The following SERF2 variants were observed in gnomAD, a reference collection of about 807,000 sequenced individuals.
The protein encoded by SERF2 is gastric cancer-related protein VRG107.
In SERF2, 4 loss-of-function variants were observed where a neutral mutation model predicts 10.7. The observed-to-expected ratio is 0.37, with a 90% CI of 0.18 to 0.86. The LOEUF is 0.86. SERF2 is among the 40% of genes least tolerant of loss of function. SERF2 has a pLI of 0.43. For synonymous variants in SERF2, 26 were observed against 26.0 expected (o/e 1.00, Z 0.01); for missense variants, 47 against 79.1 (o/e 0.59, Z 1.54).
Position 43,794,097 on chromosome 15 carries a change from G to C in SERF2, c.*324G>C. On this transcript the variant is annotated 3_prime_UTR_variant, in exon 3 of 3. Coordinates refer to ENST00000249786, the MANE Select transcript of SERF2 (RefSeq NM_001018108.4). ...CTTGGGGGGATGGGGTTGGAAGAAT[G>C]ACTGCCCTTTCCCACCAAAAAAGGG... 1 of 921,934 alleles carries C rather than the reference G, an allele frequency of 1.1e-6. No homozygotes were observed. The highest frequency in any genetic ancestry group is 1.6e-6 in the Non-Finnish European group (1 of 635,688). 57.1% of individuals were successfully genotyped at this position (921,934 alleles called of 1,614,324 possible). A position where few individuals can be genotyped will look rare whatever the true frequency, so the allele number is the denominator to read the frequency against.
upstream of SERF2, among the ~76,000 whole-genome samples, chr15:43,790,660 T>C (rs376936378): frequency 2.2e-4 from 34 of 151,976 alleles, no homozygotes; most frequent in East Asian, 1.8e-3. Flanking sequence ...TCGCAGCTAC[T>C]TGGGAGGCTG....
chr15:43,778,578 T>C (rs1248867591), intron 1 of SERF2, among the ~76,000 whole-genome samples: 4 of 30,930 alleles, frequency 1.3e-4, no homozygotes, highest in African/African-American at 2.9e-4. Flanking sequence ...GCAGATTCCA[T>C]CTCAAAAAAA....
intron 1 of SERF2, among the ~76,000 whole-genome samples, chr15:43,781,331 G>A (rs1311010619): frequency 6.6e-6 from 1 of 152,116 alleles, no homozygotes; most frequent in African/African-American, 2.4e-5. Flanking sequence ...GAGGCAGGTG[G>A]ACCATTTGAG....
Position 43,795,040 on chromosome 15 carries a change from TGGCGGC to T in SERF2, c.*1272_*1277del, listed in dbSNP as rs369518718. ...TTTGTTATCTGGGGATATGATGCGGTGGCGGCGGCGCCTCAAGATAAGGGGCTGGGG... is the reference window on the plus strand; with the variant it reads ...TTTGTTATCTGGGGATATGATGCGGTGGCGCCTCAAGATAAGGGGCTGGGG... On this transcript the variant is annotated 3_prime_UTR_variant, in exon 3 of 3. Coordinates refer to ENST00000249786, the MANE Select transcript of SERF2 (RefSeq NM_001018108.4). The T allele has an allele frequency of 2.2e-5, 36 of 1,601,156 alleles. No individual in the cohort carries two copies. The African/African-American group carries it at 3.2e-4, about 14-fold the overall frequency.
At chr15:43,789,665 T>A (rs1017849321), upstream of SERF2, among the ~76,000 whole-genome samples, 3 of 152,216 alleles carry the variant, frequency 2.0e-5, no homozygotes, top group Non-Finnish European at 2.9e-5. Flanking sequence ...TTGAATATCA[T>A]CCTTGCGTGG....
In SERF2 at chr15:43,795,173, T is replaced by C. The variant is rs759313204; in HGVS notation, c.*1400T>C. 2 of 1,614,162 alleles carry C rather than the reference T, an allele frequency of 1.2e-6. No homozygotes were observed. Among genetic ancestry groups the C allele is most frequent in the Non-Finnish European group, 1.7e-6 (2 of 1,180,030 alleles). The stretch of plus-strand genomic sequence containing the variant: ...ACCTTGACCCAGAAGGTGGCCCAGC[T>C]ACCCTTGATGAAGGTCTTTTCCAGT... On this transcript the variant is annotated 3_prime_UTR_variant, in exon 3 of 3. Transcript: ENST00000249786.
At chr15:43,786,696 T>G (rs1455448851) in intron 2 of SERF2, among the ~76,000 whole-genome samples, 2 of 152,164 alleles carry the variant, frequency 1.3e-5, no homozygotes, top group African/African-American at 4.8e-5. Context: ...GAACAAATGT[T>G]ACAGTTGAGG....
upstream of SERF2, chr15:43,792,180 C>A (rs954213897): frequency 4.9e-6 from 3 of 616,540 alleles, no homozygotes; most frequent in Non-Finnish European, 8.8e-6. Flanking sequence ...TGCGACCCTC[C>A]GCCACTTACC....
At chr15:43,792,082 CAACCTG>C, upstream of SERF2, 1 of 521,350 alleles carries the variant, frequency 1.9e-6, no homozygotes, top group Non-Finnish European at 3.5e-6. Context: ...CCTCCACCCC[CAACCTG>C]CCCACGTGAC....
At chr15:43,787,476 C>T (rs2087017510), upstream of SERF2, among the ~76,000 whole-genome samples, 1 of 152,240 alleles carries the variant, frequency 6.6e-6, no homozygotes, top group Non-Finnish European at 1.5e-5. Context: ...CCGCTCACCG[C>T]AACCTCTGCC....
At chr15:43,777,590 G>A (rs2086930811) in intron 1 of SERF2, 1 of 173,360 alleles carries the variant, frequency 5.8e-6, no homozygotes, top group Non-Finnish European at 1.3e-5. Context: ...AGGGATACGG[G>A]CGCGGGTAGT....
Position 43,795,617 on chromosome 15 carries a change from A to T in SERF2, c.*1844A>T, listed in dbSNP as rs373346812. 4.8e-3 allele frequency: 7,752 copies of T among 1,610,792 alleles called. 36 individuals are homozygous for T. Among genetic ancestry groups the T allele is most frequent in the South Asian group, 8.0e-3 (727 of 90,996 alleles). On this transcript the variant is annotated 3_prime_UTR_variant, in exon 3 of 3. Coordinates refer to ENST00000249786, the MANE Select transcript of SERF2 (RefSeq NM_001018108.4). ...CCCTCTCCCCCAACTACCTTTGTTA[A>T]GGCTCTTGAGGGTTCTTATGGCACT...
intron 1 of SERF2, chr15:43,792,584 G>A: frequency 6.9e-7 from 1 of 1,453,256 alleles, no homozygotes; most frequent in Non-Finnish European, 9.1e-7. Context: ...CCCGGGTTAG[G>A]CATAGGCCCT....
chr15:43,787,920 G>C (rs968356682), upstream of SERF2, among the ~76,000 whole-genome samples: 3 of 149,186 alleles, frequency 2.0e-5, no homozygotes, highest in Admixed American at 2.0e-4. Flanking sequence ...TATCACCCAG[G>C]CTGGAGTGCA....
intron 1 of SERF2, among the ~76,000 whole-genome samples, chr15:43,778,538 C>CA (rs1048999393): frequency 4.3e-5 from 3 of 70,014 alleles, no homozygotes; most frequent in Middle Eastern, 0.016. Flanking sequence ...GACCCTGTCT[C>CA]AAAAAAAGAA....
At chr15:43,787,701 A>ATT (rs769570867), upstream of SERF2, among the ~76,000 whole-genome samples, 14 of 141,200 alleles carry the variant, frequency 9.9e-5, no homozygotes, top group African/African-American at 3.4e-4. Flanking sequence ...CCCAGCCAGA[A>ATT]TTTTTTTTTT....
chr15:43,781,417 C>T (rs147069698), intron 1 of SERF2, among the ~76,000 whole-genome samples: 116 of 151,844 alleles, frequency 7.6e-4, no homozygotes, highest in Middle Eastern at 3.4e-3. Flanking sequence ...TAGCTGGGAG[C>T]GGTGACTAAT....
intron 1 of SERF2, chr15:43,777,957 A>G (rs1219795048): frequency 7.5e-6 from 1 of 134,222 alleles, no homozygotes; most frequent in Non-Finnish European, 1.6e-5. Context: ...TCATAAAAAA[A>G]AAATACATTT....
At position 43,793,787 on chromosome 15, in the gene SERF2, T is replaced by C. The variant is rs770359655; in HGVS notation, c.*14T>C. On this transcript the variant is annotated 3_prime_UTR_variant, in exon 3 of 3. Coordinates refer to ENST00000249786, the MANE Select transcript of SERF2 (RefSeq NM_001018108.4). Reference sequence around the variant, plus strand: ...GAACCCAAGTAGCTTTGTGGCTTCGTGTCCAACCCTCTTGCCCTTCGCCTG... The same window carrying C: ...GAACCCAAGTAGCTTTGTGGCTTCGCGTCCAACCCTCTTGCCCTTCGCCTG... 6.2e-6 allele frequency: 10 copies of C among 1,614,198 alleles called. No homozygotes were observed. The highest frequency in any genetic ancestry group is 2.7e-5 in the African/African-American group (2 of 75,046).
Sources: gnomAD v4.1 joint callset for allele counts (sites outside exome capture counted in the v4.1 genomes callset) on GRCh38, gnomAD v4.1.1 for gene constraint, MANE v1.5 for transcripts, NCBI Gene and HGNC (gene_info 2026-07-23, HGNC 2026-07-21) for gene names.